Variants in AK8 observed in about 807,000 individuals in gnomAD.
AK8 encodes ATP-AMP transphosphorylase 8.
Under a neutral mutation model 54.6 loss-of-function variants are expected in AK8, and 44 were observed. The observed-to-expected ratio is 0.81, with a 90% CI of 0.63 to 1.04. The LOEUF is 1.04. AK8 is among the 50% of genes least tolerant of loss of function. The pLI, the probability that AK8 is intolerant of heterozygous loss-of-function variation, is 0.00. For synonymous variants in AK8, 239 were observed against 245.6 expected, an observed-to-expected ratio of 0.97 and a Z score of 0.25; for missense variants, 555 against 613.6, an observed-to-expected ratio of 0.90 and a Z score of 1.01.
chr9:132,823,161 G>C, intron 9 of AK8, 44 bp downstream of exon 9: 1 of 1,506,306 alleles, frequency 6.6e-7, no homozygotes, highest in Non-Finnish European at 8.8e-7. Flanking sequence ...AGGAGGCAGG[G>C]AAAGGCTCTC....
At chr9:132,850,051 T>C in intron 5 of AK8, among the ~76,000 whole-genome samples, 1 of 140,598 alleles carries the variant, frequency 7.1e-6, no homozygotes, top group East Asian at 2.1e-4. Flanking sequence ...TCAACCCTAG[T>C]ACATTTTTTT....
Position 132,737,391 on chromosome 9 carries a change from G to A in AK8, c.1122-9857C>T, listed in dbSNP as rs531965862. Among the ~76,000 whole-genome samples, 7 of 152,210 alleles carry A rather than the reference G, an allele frequency of 4.6e-5. No individual in the cohort carries two copies. In the East Asian group the frequency reaches 5.8e-4, roughly 13 times the overall value. The stretch of plus-strand genomic sequence containing the variant: ...AGAGGAAGGAATACTGATTTTATTC[G>A]TCAGCTTTTCCTTGATACCAAAAAC... On this transcript the variant is annotated intron_variant, in intron 11 of 12. Coordinates refer to ENST00000298545, the MANE Select transcript of AK8 (RefSeq NM_152572.3).
upstream of AK8, chr9:132,878,542 G>A (rs568373385): frequency 8.5e-7 from 1 of 1,170,856 alleles, no homozygotes; most frequent in East Asian, 3.8e-5. This position sits in a 1 kb window ranked among gnomAD's most constrained non-coding sequence, Gnocchi z 4.7. Flanking sequence ...TGAGACCCCC[G>A]ACGAAACCCA....
At chr9:132,788,040 A>C (rs185851378) in intron 11 of AK8, among the ~76,000 whole-genome samples, 266 of 152,162 alleles carry the variant, frequency 1.7e-3, no homozygotes, top group African/African-American at 4.3e-3. Flanking sequence ...CAAAAAAAAA[A>C]CAACAACCTG....
At chr9:132,875,857 G>A (rs1180675972) in intron 1 of AK8, among the ~76,000 whole-genome samples, 3 of 152,220 alleles carry the variant, frequency 2.0e-5, no homozygotes, top group African/African-American at 4.8e-5. Context: ...GAACATGACC[G>A]TCACCACTAA....
At chr9:132,836,869 A>G (rs1254300974) in intron 5 of AK8, among the ~76,000 whole-genome samples, 4 of 152,228 alleles carry the variant, frequency 2.6e-5, no homozygotes, top group Non-Finnish European at 4.4e-5. Flanking sequence ...TGATAATAGT[A>G]CCTACACTTC....
At chr9:132,876,135 T>C (rs1844086476) in intron 1 of AK8, among the ~76,000 whole-genome samples, 1 of 152,034 alleles carries the variant, frequency 6.6e-6, no homozygotes, top group African/African-American at 2.4e-5. Context: ...CACCGAGCCA[T>C]GAGAAGTCTT....
intron 11 of AK8, among the ~76,000 whole-genome samples, chr9:132,776,642 ATGGAGGACC>A (rs1174853163): frequency 6.6e-6 from 1 of 152,192 alleles, no homozygotes; most frequent in Non-Finnish European, 1.5e-5. Context: ...GGGCTGGAGG[ATGGAGGACC>A]TTTGCTTGAG....
intron 9 of AK8, among the ~76,000 whole-genome samples, chr9:132,815,930 T>C (rs1489491856): frequency 6.6e-6 from 1 of 152,198 alleles, no homozygotes; most frequent in Non-Finnish European, 1.5e-5. Flanking sequence ...TTTAACAAAA[T>C]TACCATCACC....
chr9:132,733,827 A>AC (rs144367383), intron 11 of AK8, among the ~76,000 whole-genome samples: 1,751 of 152,166 alleles, frequency 0.012, 15 homozygotes, highest in South Asian at 0.038. Context: ...TGCTGGGCAG[A>AC]CCCTCCTGGT....
chr9:132,786,795 G>GTTATT (rs1164609658), intron 11 of AK8, among the ~76,000 whole-genome samples: 2 of 151,782 alleles, frequency 1.3e-5, no homozygotes, highest in Non-Finnish European at 2.9e-5. Flanking sequence ...ATAAGACCAA[G>GTTATT]ACAAACAAAA....
chr9:132,848,789 A>G (rs1426232295), intron 5 of AK8, among the ~76,000 whole-genome samples: 1 of 151,954 alleles, frequency 6.6e-6, no homozygotes, highest in Non-Finnish European at 1.5e-5. Flanking sequence ...TGCAGGGGGC[A>G]CTCAACTGGA....
chr9:132,827,361 C>T (rs1045468209), intron 7 of AK8: 8 of 445,954 alleles, frequency 1.8e-5, no homozygotes, highest in African/African-American at 1.4e-4. Context: ...TCTTCACAGC[C>T]ATCCCATCAC....
chr9:132,745,308 G>A (rs959260666), intron 11 of AK8, among the ~76,000 whole-genome samples: 2 of 152,264 alleles, frequency 1.3e-5, no homozygotes, highest in South Asian at 4.1e-4. Context: ...GGGGAACCGC[G>A]GGCTGCCCAG....
At chr9:132,808,957 G>A (rs1297770666) in intron 10 of AK8, among the ~76,000 whole-genome samples, 2 of 152,210 alleles carry the variant, frequency 1.3e-5, no homozygotes, top group African/African-American at 4.8e-5. Flanking sequence ...TGGGCTTTCT[G>A]CACTGGGTGG....
chr9:132,795,299 TCA>T (rs1374440203), intron 10 of AK8, among the ~76,000 whole-genome samples: 1 of 150,848 alleles, frequency 6.6e-6, no homozygotes, highest in Admixed American at 6.6e-5. Context: ...GCTCCAAGAG[TCA>T]CAGTGTTGGG....
chr9:132,814,783 G>T, intron 9 of AK8, 56 bp from the exon 10 acceptor site: 1 of 1,472,472 alleles, frequency 6.8e-7, no homozygotes, highest in South Asian at 1.2e-5. Context: ...GAGGAAGGAT[G>T]AGAAAAAAAG....
intron 5 of AK8, among the ~76,000 whole-genome samples, chr9:132,832,808 G>T (rs1462069850): frequency 6.6e-6 from 1 of 152,206 alleles, no homozygotes; most frequent in Non-Finnish European, 1.5e-5. Context: ...GCAGCAAAAT[G>T]AGGAACATCT....
intron 9 of AK8, among the ~76,000 whole-genome samples, chr9:132,815,445 G>A (rs988405987): frequency 1.3e-5 from 2 of 152,200 alleles, no homozygotes; most frequent in Non-Finnish European, 2.9e-5. Flanking sequence ...CCCAGCTACT[G>A]GGGAGGCTGA....
Sources: allele counts gnomAD v4.1 joint callset (sites outside exome capture counted in the v4.1 genomes callset), GRCh38; gene constraint gnomAD v4.1.1; non-coding constraint Gnocchi (gnomAD v3.1); transcripts MANE v1.5; gene names NCBI Gene and HGNC (gene_info 2026-07-23, HGNC 2026-07-21).